Variants in INTS14 observed in about 807,000 individuals in gnomAD.
INTS14 encodes integrator complex subunit 14.
Under a neutral mutation model 56.9 loss-of-function variants are expected in INTS14, and 27 were observed. That is an observed-to-expected ratio of 0.47 (90% CI 0.35 to 0.65). The LOEUF (loss-of-function observed/expected upper bound fraction) is 0.65. Ranked by LOEUF, INTS14 falls within the 30% of genes least tolerant of loss-of-function variation. INTS14 has a pLI of 0.00. For synonymous variants in INTS14, 207 were observed against 236.2 expected, an observed-to-expected ratio of 0.88 and a Z score of 1.13; for missense variants, 517 against 632.2, an observed-to-expected ratio of 0.82 and a Z score of 1.95.
chr15:65,586,866 A>C (rs2072845071), intron 9 of INTS14: 1 of 152,228 alleles, frequency 6.6e-6, no homozygotes, highest in African/African-American at 2.4e-5. Context: ...CCAGTACTGA[A>C]GATCATGAAT....
intron 6 of INTS14, among the ~76,000 whole-genome samples, chr15:65,597,055 C>T (rs1257150578): frequency 6.6e-6 from 1 of 152,092 alleles, no homozygotes; most frequent in South Asian, 2.1e-4. Context: ...AAAGAAAAGA[C>T]CTATTCAAAT....
Position 65,604,978 on chromosome 15 carries a change from G to A in INTS14, c.330+151C>T, listed in dbSNP as rs115255122. 7.9e-3 allele frequency: 5,063 copies of A among 637,708 alleles called. 74 individuals are homozygous for A. The highest frequency in any genetic ancestry group is 0.04 in the South Asian group (2,094 of 52,068). The allele number at this position is 637,708 out of a possible 1,614,324, so 39.5% of individuals were successfully genotyped here. On this transcript the variant is annotated intron_variant, in intron 3 of 11. Coordinates refer to ENST00000313182, the MANE Select transcript of INTS14 (RefSeq NM_001394796.1). ...GCTGCTTTCTGAACACATTAGTGTT[G>A]ATTTAGTACCTTCACTTAAGAAGAT... is the stretch of plus-strand genomic sequence containing the variant.
intron 10 of INTS14, among the ~76,000 whole-genome samples, chr15:65,582,545 G>A (rs964885574): frequency 1.3e-5 from 2 of 152,086 alleles, no homozygotes; most frequent in African/African-American, 4.8e-5. Context: ...CCAGAAGTTT[G>A]AGACCAGCCT....
intron 1 of INTS14, 139 bp downstream of exon 1, chr15:65,610,959 C>G: frequency 9.5e-6 from 14 of 1,480,648 alleles, no homozygotes; most frequent in Non-Finnish European, 1.3e-5. Flanking sequence ...ACTGGCGCCT[C>G]ACAGACAGCG....
rs2073036307 is a variant in INTS14 at position 65,591,647 on chromosome 15, T to C, written c.1071A>G (p.Pro357=). The C allele has an allele frequency of 6.2e-7, 1 of 1,614,198 alleles. No individual in the cohort carries two copies. Among genetic ancestry groups the C allele is most frequent in the Non-Finnish European group, 8.5e-7 (1 of 1,180,022 alleles). ...NLMMSLFEPG[P]EPLPWLGKMA... ...TTTTCCCTAGCCATGGGAGAGGTTC[T>C]GGGCCAGGCTCAAAGAGAGACATCA... is the stretch of plus-strand genomic sequence containing the variant. The change falls in exon 9 of 12, where the codon CCA becomes CCG. Residue 357 remains proline (P), a synonymous_variant. Coordinates refer to ENST00000313182, the MANE Select transcript of INTS14 (RefSeq NM_001394796.1).
intron 9 of INTS14, among the ~76,000 whole-genome samples, chr15:65,586,082 A>G (rs1287729463): frequency 1.0e-5 from 1 of 98,716 alleles, no homozygotes; most frequent in African/African-American, 3.3e-5. Context: ...TCACTCATTT[A>G]CTCATTCACT....
intron 1 of INTS14, among the ~76,000 whole-genome samples, chr15:65,607,664 A>G (rs1284648225): frequency 6.6e-6 from 1 of 152,124 alleles, no homozygotes; most frequent in African/African-American, 2.4e-5. Context: ...AGGACCATCT[A>G]AATATATCTA....
rs201799669 is a variant in INTS14, at chr15:65,598,440, G to A, written c.629C>T (p.Thr210Met). Residue 210 changes from threonine (T) to methionine (M), a missense_variant, in exon 6 of 12, where the codon ACG becomes ATG. Transcript: ENST00000313182. ...MFGKLIDLAYTPFHAVLKCGH... is the reference protein window; with the variant it reads ...MFGKLIDLAYMPFHAVLKCGH... ...ACACTTGAGAACAGCATGGAAAGGC[G>A]TATATGCCAAATCTATCAGTTTTCT... 1.9e-5 allele frequency: 30 copies of A among 1,613,730 alleles called. No individual in the cohort carries two copies. Among genetic ancestry groups the A allele is most frequent in the South Asian group, 4.4e-5 (4 of 91,052 alleles).
chr15:65,610,668 G>C (rs963252333), intron 1 of INTS14: 2 of 1,535,210 alleles, frequency 1.3e-6, no homozygotes, highest in Non-Finnish European at 8.7e-7. Flanking sequence ...GATTCTACCT[G>C]AATTTCTAGT....
chr15:65,594,960 T>C (rs2073160975), intron 7 of INTS14, among the ~76,000 whole-genome samples: 1 of 152,186 alleles, frequency 6.6e-6, no homozygotes, highest in Non-Finnish European at 1.5e-5. Context: ...TGGGCATAAA[T>C]GGGATGTGGT....
intron 1 of INTS14, among the ~76,000 whole-genome samples, chr15:65,607,742 C>T (rs1415675998): frequency 6.6e-6 from 1 of 152,058 alleles, no homozygotes; most frequent in Admixed American, 6.5e-5. Context: ...TTTTATGCAA[C>T]TTAATAAACT....
chr15:65,581,072 C>T (rs902359278), intron 11 of INTS14, among the ~76,000 whole-genome samples: 1 of 152,082 alleles, frequency 6.6e-6, no homozygotes, highest in African/African-American at 2.4e-5. Flanking sequence ...AGCGAAACCC[C>T]ATCTCTACTG....
intron 11 of INTS14, 116 bp from the exon 12 acceptor site, chr15:65,579,775 T>C: frequency 2.2e-6 from 3 of 1,394,880 alleles, no homozygotes; most frequent in Non-Finnish European, 1.9e-6. Context: ...CAATTTTATA[T>C]GAGAACAAAT....
chr15:65,608,978 A>G (rs975640234), intron 1 of INTS14, among the ~76,000 whole-genome samples: 3 of 152,324 alleles, frequency 2.0e-5, no homozygotes, highest in South Asian at 2.1e-4. Context: ...GCTCACTGCA[A>G]GCACCGCCTC....
At chr15:65,589,638 T>C (rs2072952137) in intron 9 of INTS14, among the ~76,000 whole-genome samples, 1 of 152,204 alleles carries the variant, frequency 6.6e-6, no homozygotes, top group Non-Finnish European at 1.5e-5. Context: ...CTCTCCTCAC[T>C]ACCCTTCCCA....
At chr15:65,603,414 C>T (rs999562863) in intron 3 of INTS14, among the ~76,000 whole-genome samples, 4 of 152,284 alleles carry the variant, frequency 2.6e-5, no homozygotes, top group East Asian at 1.9e-4. Context: ...AGTCCCAACA[C>T]GTCCCAGATT....
intron 3 of INTS14, among the ~76,000 whole-genome samples, chr15:65,603,847 G>A (rs1373973910): frequency 6.6e-6 from 1 of 152,170 alleles, no homozygotes; most frequent in Non-Finnish European, 1.5e-5. Flanking sequence ...CAGCAGAGCT[G>A]AGTAGTTGCC....
intron 3 of INTS14, among the ~76,000 whole-genome samples, chr15:65,602,338 T>G (rs888647527): frequency 6.7e-6 from 1 of 149,384 alleles, no homozygotes; most frequent in Non-Finnish European, 1.5e-5. Flanking sequence ...CAGACTGGAG[T>G]GCAGTGGCAC....
chr15:65,590,905 A>G (rs1384656716), intron 9 of INTS14, among the ~76,000 whole-genome samples: 1 of 152,220 alleles, frequency 6.6e-6, no homozygotes, highest in Non-Finnish European at 1.5e-5. Context: ...AAGGAGGAAT[A>G]GTTTGAGGAG....
Sources: gnomAD v4.1 joint callset for allele counts (sites outside exome capture counted in the v4.1 genomes callset) on GRCh38, gnomAD v4.1.1 for gene constraint, MANE v1.5 for transcripts, NCBI Gene and HGNC (gene_info 2026-07-23, HGNC 2026-07-21) for gene names.